PPFIA2: variants seen among roughly 807,000 people sequenced by gnomAD.
The protein encoded by PPFIA2 is liprin-alpha-2.
Under a neutral mutation model 175.5 loss-of-function variants are expected in PPFIA2, and 46 were observed. The observed-to-expected ratio is 0.26, with a 90% CI of 0.21 to 0.34. The LOEUF (loss-of-function observed/expected upper bound fraction) is 0.34. PPFIA2 is among the 10% of genes least tolerant of loss of function. PPFIA2 has a pLI of 1.00. For synonymous variants in PPFIA2, 568 were observed against 511.4 expected (o/e 1.11, Z -1.49); for missense variants, 1,179 against 1,506.1 (o/e 0.78, Z 3.60).
At chr12:81,366,836 T>C (rs916067466) in intron 14 of PPFIA2, among the ~76,000 whole-genome samples, 3 of 151,760 alleles carry the variant, frequency 2.0e-5, no homozygotes, top group Admixed American at 6.6e-5. Flanking sequence ...TAAGTCAAGA[T>C]AGTGATTATC....
intron 7 of PPFIA2, among the ~76,000 whole-genome samples, chr12:81,428,361 C>T (rs2047511166): frequency 6.6e-6 from 1 of 151,966 alleles, no homozygotes; most frequent in Non-Finnish European, 1.5e-5. Flanking sequence ...TAGATAATTG[C>T]TTCACACAAG....
At chr12:81,672,566 C>G (rs754332213) in intron 4 of PPFIA2, among the ~76,000 whole-genome samples, 38 of 151,862 alleles carry the variant, frequency 2.5e-4, no homozygotes, top group South Asian at 8.3e-4. Flanking sequence ...GATGGGTAAT[C>G]ACTTATTCAT....
intron 4 of PPFIA2, chr12:81,545,875 A>C (rs1304256351): frequency 6.6e-6 from 1 of 152,314 alleles, no homozygotes; most frequent in Non-Finnish European, 1.5e-5. Context: ...CTGTAATCCC[A>C]GAACTTTGGG....
chr12:81,299,169 G>A, intron 23 of PPFIA2, 132 bp downstream of exon 23: 1 of 1,194,112 alleles, frequency 8.4e-7, no homozygotes, highest in Non-Finnish European at 1.1e-6. Flanking sequence ...TCCCTAGTAA[G>A]CAAATAGTCC....
At chr12:81,576,017 G>C (rs2073468614) in intron 4 of PPFIA2, among the ~76,000 whole-genome samples, 1 of 151,608 alleles carries the variant, frequency 6.6e-6, no homozygotes, top group Admixed American at 6.6e-5. Flanking sequence ...TATGCAACCT[G>C]TTCCCTTACA....
chr12:81,278,968 A>T (rs886076099), intron 27 of PPFIA2, among the ~76,000 whole-genome samples: 1 of 152,206 alleles, frequency 6.6e-6, no homozygotes, highest in Non-Finnish European at 1.5e-5. Context: ...TGGAAAGAAA[A>T]TTGCATTAGG....
chr12:81,651,280 G>T (rs2066982883), intron 4 of PPFIA2, among the ~76,000 whole-genome samples: 1 of 152,214 alleles, frequency 6.6e-6, no homozygotes, highest in East Asian at 1.9e-4. Flanking sequence ...CCAAGGAGCT[G>T]GGAGATAAAT....
chr12:81,411,548 G>A (rs2043974288), intron 7 of PPFIA2, among the ~76,000 whole-genome samples: 2 of 152,066 alleles, frequency 1.3e-5, no homozygotes, highest in Non-Finnish European at 2.9e-5. Flanking sequence ...AGTCTTGGCG[G>A]CTGGGCCTCC....
intron 7 of PPFIA2, among the ~76,000 whole-genome samples, chr12:81,427,285 G>A (rs2047305807): frequency 6.6e-6 from 1 of 152,022 alleles, no homozygotes; most frequent in Non-Finnish European, 1.5e-5. Context: ...GATTCCTGTC[G>A]ACTAGTGATA....
chr12:81,600,502 T>C (rs901957584), intron 4 of PPFIA2, among the ~76,000 whole-genome samples: 2 of 151,942 alleles, frequency 1.3e-5, no homozygotes. Context: ...TAATTATTAT[T>C]GTGAGTAAAC....
intron 21 of PPFIA2, among the ~76,000 whole-genome samples, chr12:81,335,954 A>C (rs989741888): frequency 6.6e-6 from 1 of 152,160 alleles, no homozygotes; most frequent in Non-Finnish European, 1.5e-5. Context: ...TACAAATGGA[A>C]TTTGAATTCT....
intron 4 of PPFIA2, among the ~76,000 whole-genome samples, chr12:81,617,473 T>C (rs1005766641): frequency 1.3e-5 from 2 of 152,194 alleles, no homozygotes; most frequent in African/African-American, 4.8e-5. Context: ...CCTAGAGAAT[T>C]TGAATTGTGT....
intron 4 of PPFIA2, among the ~76,000 whole-genome samples, chr12:81,632,359 C>T (rs1189921795): frequency 6.6e-6 from 1 of 151,776 alleles, no homozygotes; most frequent in Non-Finnish European, 1.5e-5. Flanking sequence ...AAAAATCATC[C>T]TTACATAATT....
intron 7 of PPFIA2, among the ~76,000 whole-genome samples, chr12:81,408,368 T>C (rs950398960): frequency 6.6e-6 from 1 of 152,194 alleles, no homozygotes; most frequent in South Asian, 2.1e-4. Context: ...GAAATGCTAA[T>C]ACAAAGTACC....
At chr12:81,690,541 A>G (rs1001650660) in intron 3 of PPFIA2, among the ~76,000 whole-genome samples, 1 of 152,002 alleles carries the variant, frequency 6.6e-6, no homozygotes, top group African/African-American at 2.4e-5. Context: ...TGAGGACCAG[A>G]TTTGAGCTGC....
chr12:81,687,848 G>A (rs889195264), intron 3 of PPFIA2, among the ~76,000 whole-genome samples: 2 of 151,854 alleles, frequency 1.3e-5, no homozygotes, highest in African/African-American at 4.8e-5. Context: ...TATTATTCAT[G>A]TAATAATACA....
At chr12:81,528,222 G>A (rs2063982370) in intron 4 of PPFIA2, among the ~76,000 whole-genome samples, 1 of 152,014 alleles carries the variant, frequency 6.6e-6, no homozygotes, top group African/African-American at 2.4e-5. Flanking sequence ...ATAGACAGAG[G>A]ATCTGAGGGT....
At chr12:81,493,204 T>C (rs1201942852) in intron 4 of PPFIA2, among the ~76,000 whole-genome samples, 2 of 152,084 alleles carry the variant, frequency 1.3e-5, no homozygotes, top group African/African-American at 4.8e-5. Flanking sequence ...GTCTGGAGTT[T>C]GGGAGAAGGG....
rs1412185650 is a variant in PPFIA2, at chr12:81,294,909, G to C, written c.2851C>G (p.Arg951Gly). ...REIGISNPLHRLKLRLAIQEM... is the reference protein window; with the variant it reads ...REIGISNPLHGLKLRLAIQEM... ...TGGATTGCTAATCGAAGTTTTAAGC[G>C]ATGCAGTGGATTGCTGATTCCAATT... The change falls in exon 24 of 33, where the codon CGC becomes GGC. Residue 951 changes from arginine (R) to glycine (G), a missense_variant. Arg to Gly is a moderately radical substitution (Grantham distance 125). Around this residue, in one of 10 missense-constraint regions of PPFIA2, gnomAD observed 245 missense variants for 375.1 expected, o/e 0.65. Transcript: ENST00000549396. The C allele has an allele frequency of 6.2e-7, 1 of 1,613,416 alleles. No individual in the cohort carries two copies. Among genetic ancestry groups the C allele is most frequent in the Non-Finnish European group, 8.5e-7 (1 of 1,179,714 alleles).
Sources: gnomAD v4.1 joint callset for allele counts (sites outside exome capture counted in the v4.1 genomes callset) on GRCh38, gnomAD v4.1.1 for gene constraint, gnomAD v4.1.1 regional missense constraint, MANE v1.5 for transcripts, NCBI Gene and HGNC (gene_info 2026-07-23, HGNC 2026-07-21) for gene names.